Variants in SMYD1 observed in about 807,000 individuals in gnomAD.
The protein encoded by SMYD1 is histone-lysine N-methyltransferase SMYD1.
SMYD1 carries 49 observed loss-of-function variants against 54.0 expected under a neutral mutation model. The ratio of observed to expected loss-of-function variants is 0.91; its 90% CI spans 0.72 to 1.15. SMYD1 has a LOEUF of 1.15. Ranked by LOEUF, SMYD1 falls within the 50% of genes most tolerant of loss-of-function variation. SMYD1 has a pLI of 0.00. For synonymous variants in SMYD1, 269 were observed against 234.2 expected (o/e 1.15, Z -1.36); for missense variants, 653 against 639.6 (o/e 1.02, Z -0.23).
Position 88,067,936 on chromosome 2 carries a change from C to T in SMYD1, c.72C>T (p.Thr24=), listed in dbSNP as rs755080653. 3.1e-6 allele frequency: 5 copies of T among 1,613,962 alleles called. No individual in the cohort carries two copies. Among genetic ancestry groups the T allele is most frequent in the Non-Finnish European group, 2.5e-6 (3 of 1,180,026 alleles). ...GCAAAGGAAGGGGTCTGAAGGCCAC[C>T]AAGGAGTTCTGGGCTGCAGATATCA... is the stretch of plus-strand genomic sequence containing the variant. The part of the protein sequence containing the change: ...AEGKGRGLKA[T]KEFWAADIIF... Residue 24 remains threonine (T), a synonymous_variant, in exon 1 of 10, where the codon ACC becomes ACT. Coordinates refer to ENST00000419482, the MANE Select transcript of SMYD1 (RefSeq NM_198274.4).
At chr2:88,105,688 A>G (rs1445936775) in intron 7 of SMYD1, among the ~76,000 whole-genome samples, 1 of 152,160 alleles carries the variant, frequency 6.6e-6, no homozygotes, top group Non-Finnish European at 1.5e-5. Context: ...CTGTAATCCT[A>G]GCACTTTGGG....
intron 6 of SMYD1, among the ~76,000 whole-genome samples, chr2:88,097,421 A>C (rs753648962): frequency 2.0e-5 from 3 of 152,176 alleles, no homozygotes; most frequent in Non-Finnish European, 2.9e-5. Flanking sequence ...CAGTTAAAGC[A>C]ACAGAGCAGA....
intron 1 of SMYD1, among the ~76,000 whole-genome samples, chr2:88,073,038 C>T (rs535016314): frequency 5.6e-4 from 85 of 152,226 alleles, no homozygotes; most frequent in African/African-American, 1.9e-3. Flanking sequence ...CTATAGGTAG[C>T]TTTTCAATTC....
At chr2:88,072,856 T>C (rs1673979444) in intron 1 of SMYD1, among the ~76,000 whole-genome samples, 1 of 152,246 alleles carries the variant, frequency 6.6e-6, no homozygotes, top group African/African-American at 2.4e-5. Context: ...AATGGCTGCA[T>C]AGTATTCTTT....
intron 1 of SMYD1, among the ~76,000 whole-genome samples, chr2:88,070,420 A>G (rs1033425659): frequency 1.3e-5 from 2 of 151,688 alleles, no homozygotes; most frequent in East Asian, 3.8e-4. Context: ...TGAGCACTGC[A>G]TTAAATGAAA....
At chr2:88,103,247 A>T in intron 7 of SMYD1, 97 bp downstream of exon 7, 109 of 624,710 alleles carry the variant, frequency 1.7e-4, no homozygotes, top group Middle Eastern at 6.0e-4. Flanking sequence ...GCGGCGGGGG[A>T]GGGGGGCTAC....
At position 88,113,204 on chromosome 2, in the gene SMYD1, C is replaced by T. The variant is rs552617820; in HGVS notation, c.*2692C>T. On this transcript the variant is annotated 3_prime_UTR_variant, in exon 10 of 10. Transcript: ENST00000419482. ...CTATTCATCTTCCTATCCCCAGAAC[C>T]TTGCACAGATCCTGGAATGTGGTAG... 6.6e-6 allele frequency: 1 copy of T among 152,190 alleles called. No individual in the cohort carries two copies. Among genetic ancestry groups the T allele is most frequent in the Non-Finnish European group, 1.5e-5 (1 of 68,044 alleles). The allele number at this position is 152,190 out of a possible 1,614,324, so 9.4% of individuals were successfully genotyped here. A position where few individuals can be genotyped will look rare whatever the true frequency, so the allele number is the denominator to read the frequency against.
chr2:88,099,217 G>A (rs573089919), intron 6 of SMYD1, among the ~76,000 whole-genome samples: 2 of 152,236 alleles, frequency 1.3e-5, no homozygotes, highest in South Asian at 4.1e-4. Flanking sequence ...CTCCTGAGTA[G>A]CTGGGACCAT....
Position 88,112,788 on chromosome 2 carries a change from T to C in SMYD1, c.*2276T>C, listed in dbSNP as rs553425561. 1 of 152,454 alleles carries C rather than the reference T, an allele frequency of 6.6e-6. No homozygotes were observed. Among genetic ancestry groups the C allele is most frequent in the Non-Finnish European group, 1.5e-5 (1 of 68,114 alleles). 9.4% of individuals were successfully genotyped at this position (152,454 alleles called of 1,614,324 possible). ...TTGGTGACCCACTTCCCTGTGATGA[T>C]CTTCTGATCTAGTTTCTCAGGTTCC... On this transcript the variant is annotated 3_prime_UTR_variant, in exon 10 of 10. Transcript: ENST00000419482.
At chr2:88,097,256 G>A (rs1177121890) in intron 6 of SMYD1, among the ~76,000 whole-genome samples, 2 of 152,190 alleles carry the variant, frequency 1.3e-5, no homozygotes, top group Non-Finnish European at 2.9e-5. Flanking sequence ...TGTGGAGACA[G>A]GGCTAGGTTT....
In SMYD1 at chr2:88,110,600, G is replaced by A. The variant is rs1332645182; in HGVS notation, c.*88G>A. The A allele has an allele frequency of 7.2e-7, 1 of 1,386,942 alleles. No individual in the cohort carries two copies. Among genetic ancestry groups the A allele is most frequent in the Admixed American group, 3.1e-5 (1 of 32,492 alleles). 85.9% of individuals were successfully genotyped at this position (1,386,942 alleles called of 1,614,324 possible). A position where few individuals can be genotyped will look rare whatever the true frequency, so the allele number is the denominator to read the frequency against. ...GGGTCTCTCGGGAGACCCCTAATGA[G>A]GAAGTTGAGGTAATGCTTAACATTG... On this transcript the variant is annotated 3_prime_UTR_variant, in exon 10 of 10. Coordinates refer to ENST00000419482, the MANE Select transcript of SMYD1 (RefSeq NM_198274.4).
chr2:88,112,249 C>T lies in SMYD1; in HGVS notation c.*1737C>T, dbSNP rs1042997166. 5.9e-5 allele frequency: 40 copies of T among 678,448 alleles called. No homozygotes were observed. The African/African-American group carries it at 6.2e-4, about 11-fold the overall frequency. The allele number at this position is 678,448 out of a possible 1,614,324, so 42.0% of individuals were successfully genotyped here. On this transcript the variant is annotated 3_prime_UTR_variant, in exon 10 of 10. Transcript: ENST00000419482. Reference sequence around the variant, plus strand: ...TGTCTCCCCCAAACCTTTTTCCCTTCTTTGTCATTGTTATCTGCTAAGCCC... The same window carrying T: ...TGTCTCCCCCAAACCTTTTTCCCTTTTTTGTCATTGTTATCTGCTAAGCCC...
At chr2:88,090,201 A>G (rs1674433054) in intron 3 of SMYD1, among the ~76,000 whole-genome samples, 1 of 152,246 alleles carries the variant, frequency 6.6e-6, no homozygotes. Flanking sequence ...ACTCCTCCAT[A>G]TCTATGACAA....
intron 2 of SMYD1, among the ~76,000 whole-genome samples, chr2:88,086,182 C>A (rs1456638171): frequency 1.3e-5 from 2 of 152,112 alleles, no homozygotes; most frequent in Non-Finnish European, 2.9e-5. Flanking sequence ...AAAATGTTAC[C>A]ATTGGAGAAA....
intron 1 of SMYD1, among the ~76,000 whole-genome samples, chr2:88,069,789 G>A (rs1673907009): frequency 6.6e-6 from 1 of 152,098 alleles, no homozygotes; most frequent in Non-Finnish European, 1.5e-5. Flanking sequence ...GGTTTCATTT[G>A]GCTGTAATAT....
chr2:88,085,177 G>A (rs1674295233), intron 2 of SMYD1, among the ~76,000 whole-genome samples: 2 of 152,040 alleles, frequency 1.3e-5, no homozygotes, highest in Non-Finnish European at 2.9e-5. Flanking sequence ...TGGCAAAATA[G>A]GCTAGAGCTG....
intron 3 of SMYD1, among the ~76,000 whole-genome samples, chr2:88,089,595 T>TTG (rs1236590976): frequency 6.9e-6 from 1 of 144,976 alleles, no homozygotes; most frequent in East Asian, 2.0e-4. Flanking sequence ...GTTTTTTTTT[T>TTG]TTTTTTTTTT....
intron 7 of SMYD1, among the ~76,000 whole-genome samples, chr2:88,105,370 T>C (rs1674836455): frequency 9.3e-6 from 1 of 107,642 alleles, no homozygotes; most frequent in Non-Finnish European, 2.0e-5. Context: ...TATATGCGCA[T>C]GCATATATAC....
chr2:88,096,468 A>G lies in SMYD1; in HGVS notation c.699-127A>G, dbSNP rs112873981. On this transcript the variant is annotated intron_variant, in intron 5 of 9. Coordinates refer to ENST00000419482, the MANE Select transcript of SMYD1 (RefSeq NM_198274.4). Reference sequence around the variant, plus strand: ...TCACATTTCTCCTTTTGTGGGGTCAATGGGAGTTTCTGAGTGTCAGTGAAA... The same window carrying G: ...TCACATTTCTCCTTTTGTGGGGTCAGTGGGAGTTTCTGAGTGTCAGTGAAA... 4,592 of 801,094 alleles carry G rather than the reference A, an allele frequency of 5.7e-3. 115 individuals carry two copies. The African/African-American group carries it at 0.058, about 10-fold the overall frequency. The allele number at this position is 801,094 out of a possible 1,614,324, so 49.6% of individuals were successfully genotyped here. A position where few individuals can be genotyped will look rare whatever the true frequency, so the allele number is the denominator to read the frequency against.
Sources: gnomAD v4.1 joint callset for allele counts (sites outside exome capture counted in the v4.1 genomes callset) on GRCh38, gnomAD v4.1.1 for gene constraint, MANE v1.5 for transcripts, NCBI Gene and HGNC (gene_info 2026-07-23, HGNC 2026-07-21) for gene names.